Variants in WIF1 observed in about 807,000 individuals in gnomAD.
The protein encoded by WIF1 is Wnt inhibitory factor 1.
Under a neutral mutation model 53.5 loss-of-function variants are expected in WIF1, and 35 were observed. The observed-to-expected ratio is 0.65, with a 90% CI of 0.50 to 0.87. WIF1 has a LOEUF of 0.87. WIF1 is among the 40% of genes least tolerant of loss of function. The pLI is 0.00. For synonymous variants in WIF1, 171 were observed against 170.4 expected (o/e 1.00, Z -0.03); for missense variants, 467 against 476.8 (o/e 0.98, Z 0.19).
chr12:65,116,683 C>T (rs1433725230), intron 2 of WIF1, among the ~76,000 whole-genome samples: 1 of 151,710 alleles, frequency 6.6e-6, no homozygotes, highest in African/African-American at 2.4e-5. Context: ...GCCTGTAATC[C>T]CAGCACTTTG....
chr12:65,120,145 T>C (rs542936259), intron 2 of WIF1, among the ~76,000 whole-genome samples: 59 of 152,292 alleles, frequency 3.9e-4, no homozygotes, highest in Non-Finnish European at 6.6e-4. Context: ...GTGATGTTGG[T>C]ATTGGAGGTC....
chr12:65,069,185 A>G (rs1882734909), intron 3 of WIF1, among the ~76,000 whole-genome samples: 1 of 152,202 alleles, frequency 6.6e-6, no homozygotes, highest in African/African-American at 2.4e-5. Flanking sequence ...ACTATCTTAA[A>G]TATTTTCCCT....
At chr12:65,056,262 T>C (rs1257940960) in intron 7 of WIF1, 136 bp from the exon 8 acceptor site, 6 of 684,392 alleles carry the variant, frequency 8.8e-6, no homozygotes, top group Admixed American at 6.8e-5. Flanking sequence ...TCAGATCTAC[T>C]CTGGCTTTTT....
chr12:65,105,430 TG>T (rs1883338620), intron 2 of WIF1, among the ~76,000 whole-genome samples: 1 of 152,136 alleles, frequency 6.6e-6, no homozygotes, highest in Admixed American at 6.5e-5. Flanking sequence ...CAGAATAGGC[TG>T]GGTAATTTTA....
At chr12:65,088,117 G>A (rs564826391) in intron 2 of WIF1, among the ~76,000 whole-genome samples, 4 of 152,252 alleles carry the variant, frequency 2.6e-5, no homozygotes, top group Admixed American at 6.5e-5. Flanking sequence ...ATGATGACAA[G>A]CCATAATCTG....
intron 3 of WIF1, among the ~76,000 whole-genome samples, chr12:65,076,682 G>A (rs1488096250): frequency 1.3e-5 from 2 of 151,920 alleles, no homozygotes; most frequent in Non-Finnish European, 2.9e-5. Context: ...AAAAAAATAG[G>A]GCTCCTATGT....
At chr12:65,079,784 A>T (rs1321183740) in intron 2 of WIF1, among the ~76,000 whole-genome samples, 1 of 152,198 alleles carries the variant, frequency 6.6e-6, no homozygotes, top group Non-Finnish European at 1.5e-5. Context: ...AATTACATTA[A>T]TTTAATGTAA....
intron 9 of WIF1, among the ~76,000 whole-genome samples, chr12:65,052,750 G>A (rs954935646): frequency 2.0e-5 from 3 of 152,164 alleles, no homozygotes; most frequent in African/African-American, 7.2e-5. Flanking sequence ...CACACTGATG[G>A]CAGACGCTTT....
At chr12:65,076,372 T>C (rs1483117048) in intron 3 of WIF1, among the ~76,000 whole-genome samples, 2 of 152,156 alleles carry the variant, frequency 1.3e-5, no homozygotes, top group Non-Finnish European at 2.9e-5. Context: ...AAGTAGTTAA[T>C]GTGATTAATA....
Position 65,067,750 on chromosome 12 carries a change from A to G in WIF1, c.579T>C (p.Asn193=), listed in dbSNP as rs931044269. ...PGGCRNGGFC[N]ERRICECPDG... ...CAGGACACTCGCAGATGCGTCTTTC[A>G]TTACAAAAGCCTCCATTTCGGCACC... Residue 193 remains asparagine (N), a synonymous_variant, in exon 5 of 10, where the codon AAT becomes AAC. Coordinates refer to ENST00000286574, the MANE Select transcript of WIF1 (RefSeq NM_007191.5). The G allele has an allele frequency of 1.9e-6, 3 of 1,613,260 alleles. No individual in the cohort carries two copies. The highest frequency in any genetic ancestry group is 1.3e-5 in the African/African-American group (1 of 74,878).
At chr12:65,096,722 G>A (rs1023207713) in intron 2 of WIF1, among the ~76,000 whole-genome samples, 28 of 152,128 alleles carry the variant, frequency 1.8e-4, no homozygotes, top group Middle Eastern at 3.2e-3. Flanking sequence ...GCAGGGACAT[G>A]GATGAAGCTG....
intron 2 of WIF1, chr12:65,095,599 A>C (rs1002861937): frequency 3.3e-5 from 5 of 152,194 alleles, no homozygotes; most frequent in Non-Finnish European, 7.3e-5. Context: ...ATGATCAAAG[A>C]AAACCAGTAA....
chr12:65,052,002 A>G (rs1277643706), intron 9 of WIF1, among the ~76,000 whole-genome samples: 1 of 152,074 alleles, frequency 6.6e-6, no homozygotes, highest in Non-Finnish European at 1.5e-5. Context: ...ATTTGAACTG[A>G]CTCTTCCTTA....
intron 9 of WIF1, among the ~76,000 whole-genome samples, chr12:65,053,476 A>C (rs1280911409): frequency 6.6e-6 from 1 of 152,160 alleles, no homozygotes; most frequent in Non-Finnish European, 1.5e-5. Context: ...ACGAGATCTG[A>C]CAGTTTTATA....
chr12:65,082,369 A>C (rs1297846918), intron 2 of WIF1, among the ~76,000 whole-genome samples: 1 of 152,210 alleles, frequency 6.6e-6, no homozygotes, highest in Non-Finnish European at 1.5e-5. Flanking sequence ...TAAAACCTCT[A>C]TTAGGAAAAA....
At chr12:65,106,370 TA>T (rs1201138564) in intron 2 of WIF1, among the ~76,000 whole-genome samples, 5 of 140,170 alleles carry the variant, frequency 3.6e-5, no homozygotes, top group Admixed American at 7.0e-5. Flanking sequence ...CATATATATA[TA>T]TATTTTTTTT....
chr12:65,110,276 A>T (rs1377613385), intron 2 of WIF1, among the ~76,000 whole-genome samples: 3 of 142,530 alleles, frequency 2.1e-5, no homozygotes, highest in Non-Finnish European at 4.5e-5. Flanking sequence ...GGCCCCCAAT[A>T]TTCTCCTTTC....
chr12:65,078,389 T>C (rs956620352), intron 2 of WIF1, among the ~76,000 whole-genome samples: 1 of 152,074 alleles, frequency 6.6e-6, no homozygotes, highest in Non-Finnish European at 1.5e-5. Context: ...AGTAATTTTT[T>C]AACTTAAATG....
Position 65,055,142 on chromosome 12 carries a change from A to C in WIF1, c.994T>G (p.Trp332Gly). ...EPNKCQCQEGWHGRHCNKRYE... is the reference protein window; with the variant it reads ...EPNKCQCQEGGHGRHCNKRYE... ...CTTTTATTGCAGTGTCTTCCATGCC[A>C]ACCTTCTTGACATTGGCATTTGTTG... Residue 332 changes from tryptophan to glycine, a missense_variant, in exon 9 of 10, where the codon TGG becomes GGG. Coordinates refer to ENST00000286574, the MANE Select transcript of WIF1 (RefSeq NM_007191.5). 5 of 1,614,084 alleles carry C rather than the reference A, an allele frequency of 3.1e-6. No individual in the cohort carries two copies. Among genetic ancestry groups the C allele is most frequent in the Non-Finnish European group, 4.2e-6 (5 of 1,180,008 alleles).
Sources: gnomAD v4.1 joint callset for allele counts (sites outside exome capture counted in the v4.1 genomes callset) on GRCh38, gnomAD v4.1.1 for gene constraint, MANE v1.5 for transcripts, NCBI Gene and HGNC (gene_info 2026-07-23, HGNC 2026-07-21) for gene names.